Variants in LIPI observed in about 807,000 individuals in gnomAD.
LIPI encodes the protein lipase member I.
In LIPI, 59 loss-of-function variants were observed where a neutral mutation model predicts 50.6. The observed-to-expected ratio is 1.16, with a 90% CI of 0.94 to 1.45. The LOEUF is 1.45. Ranked by LOEUF, LIPI falls within the 40% of genes most tolerant of loss-of-function variation. The pLI is 0.00. For synonymous variants in LIPI, 203 were observed against 178.2 expected (o/e 1.14, Z -1.11); for missense variants, 586 against 536.3 (o/e 1.09, Z -0.92).
At chr21:14,147,050 T>C (rs2017934215) in intron 8 of LIPI, among the ~76,000 whole-genome samples, 1 of 152,134 alleles carries the variant, frequency 6.6e-6, no homozygotes, top group African/African-American at 2.4e-5. Flanking sequence ...GTGCTGAGAT[T>C]ACAAGCGTGA....
intron 9 of LIPI, among the ~76,000 whole-genome samples, chr21:14,119,676 G>A (rs2016789487): frequency 1.3e-5 from 2 of 152,292 alleles, no homozygotes; most frequent in South Asian, 2.1e-4. Flanking sequence ...CAGCACTAGG[G>A]CTGCCAGACA....
intron 9 of LIPI, among the ~76,000 whole-genome samples, chr21:14,130,223 C>G (rs1237917793): frequency 6.6e-6 from 1 of 152,062 alleles, no homozygotes; most frequent in East Asian, 1.9e-4. Context: ...ACCTGTAACC[C>G]CAGCTGTTTG....
At chr21:14,182,842 T>C (rs1600910563) in intron 3 of LIPI, among the ~76,000 whole-genome samples, 3 of 152,114 alleles carry the variant, frequency 2.0e-5, no homozygotes, top group East Asian at 3.9e-4. Context: ...TAAAAGAGGA[T>C]ACAAACAAAT....
intron 9 of LIPI, among the ~76,000 whole-genome samples, chr21:14,121,665 G>A (rs1000984401): frequency 6.6e-6 from 1 of 152,188 alleles, no homozygotes; most frequent in Non-Finnish European, 1.5e-5. Context: ...CTTATGGGAT[G>A]GCCCCCATAT....
Position 14,159,138 on chromosome 21 carries a change from G to A in LIPI, c.1006+4281C>T, listed in dbSNP as rs986461368. ...AAAACTTGCCCACTTTTTTTATGAC[G>A]TTGTATTATTATAGTAGTACGAATA... On this transcript the variant is annotated intron_variant, in intron 7 of 9. Transcript: ENST00000681601. Among the ~76,000 whole-genome samples, 8 of 151,234 alleles carry A rather than the reference G, an allele frequency of 5.3e-5. No individual in the cohort carries two copies. In the South Asian group the frequency reaches 1.2e-3, roughly 24 times the overall value.
intron 4 of LIPI, among the ~76,000 whole-genome samples, chr21:14,170,554 T>G (rs1368671634): frequency 6.6e-6 from 1 of 152,160 alleles, no homozygotes; most frequent in Non-Finnish European, 1.5e-5. Context: ...GCAAGGCTGG[T>G]TCAATATACG....
At chr21:14,182,420 A>G (rs570171038) in intron 3 of LIPI, among the ~76,000 whole-genome samples, 176 of 152,316 alleles carry the variant, frequency 1.2e-3, no homozygotes, top group Non-Finnish European at 2.0e-3. Flanking sequence ...GGTTATCTTA[A>G]TTTCTAAATA....
chr21:14,169,883 T>C lies in LIPI; in HGVS notation c.644-3432A>G, dbSNP rs543282507. Among the ~76,000 whole-genome samples the C allele has an allele frequency of 5.1e-3, 780 of 151,732 alleles. 4 individuals are homozygous for C. The highest frequency in any genetic ancestry group is 0.018 in the African/African-American group (737 of 41,382). On this transcript the variant is annotated intron_variant, in intron 4 of 9. Transcript: ENST00000681601. ...AAAATCAGAGCAGAACTGAAGGAAA[T>C]AGAGACACAAAAAACCCTTCAAAAA...
chr21:14,202,204 T>C (rs1006318909), intron 1 of LIPI, among the ~76,000 whole-genome samples: 191 of 152,094 alleles, frequency 1.3e-3, no homozygotes, highest in African/African-American at 4.2e-3. Context: ...AATGGAAGAA[T>C]ATTCCATGCT....
intron 7 of LIPI, among the ~76,000 whole-genome samples, chr21:14,156,982 A>G (rs570115797): frequency 2.0e-5 from 3 of 152,030 alleles, no homozygotes; most frequent in Admixed American, 6.6e-5. Flanking sequence ...TAGAAGAAGA[A>G]TCCTCACTAC....
intron 4 of LIPI, among the ~76,000 whole-genome samples, chr21:14,179,265 A>G: frequency 6.6e-6 from 1 of 152,034 alleles, no homozygotes; most frequent in Non-Finnish European, 1.5e-5. Flanking sequence ...GTCATTATCT[A>G]GTATTCAAGG....
chr21:14,189,332 A>T lies in LIPI; in HGVS notation c.134T>A (p.Leu45Gln), dbSNP rs928021878. ...DLFIPRIETI[L>Q]MMYTRNNLNC... is the part of the protein sequence containing the mutation. The stretch of plus-strand genomic sequence containing the variant: ...TAGGTTGTTCCTTGTATACATCATC[A>T]GAATGGTCTCTATTCTCGGAATAAA... Residue 45 changes from leucine (L) to glutamine (Q), a missense_variant, in exon 2 of 10, where the codon CTG (leucine) becomes CAG (glutamine). By Grantham distance (113) the Leu-to-Gln change is moderately radical (BLOSUM62 -2). Coordinates refer to ENST00000681601, the MANE Select transcript of LIPI (RefSeq NM_001302998.2). 2.5e-6 allele frequency: 4 copies of T among 1,613,102 alleles called. No homozygotes were observed. The African/African-American group carries it at 5.3e-5, about 22-fold the overall frequency.
At chr21:14,122,554 G>A (rs1296562700) in intron 9 of LIPI, among the ~76,000 whole-genome samples, 1 of 152,126 alleles carries the variant, frequency 6.6e-6, no homozygotes, top group Non-Finnish European at 1.5e-5. Context: ...AAGAACTTAG[G>A]ACAAGAAAGA....
At chr21:14,130,293 T>C (rs1454405072) in intron 9 of LIPI, among the ~76,000 whole-genome samples, 1 of 152,068 alleles carries the variant, frequency 6.6e-6, no homozygotes, top group Non-Finnish European at 1.5e-5. Context: ...TGAGCCGAGA[T>C]TGTGCTATTG....
At position 14,197,589 on chromosome 21, in the gene LIPI, C is replaced by T. The variant is rs540890817; in HGVS notation, c.47-8170G>A. Among the ~76,000 whole-genome samples the T allele has an allele frequency of 2.0e-5, 3 of 152,068 alleles. No homozygotes were observed. The South Asian group carries it at 6.2e-4, about 32-fold the overall frequency. On this transcript the variant is annotated intron_variant, in intron 1 of 9. Coordinates refer to ENST00000681601, the MANE Select transcript of LIPI (RefSeq NM_001302998.2). The stretch of plus-strand genomic sequence containing the variant: ...GAGAGAAAAGAATGAAAAGGAAGAA[C>T]AAAACCTCAGAGAAATATGGGATTA...
At chr21:14,199,882 C>T (rs1035911521) in intron 1 of LIPI, among the ~76,000 whole-genome samples, 2 of 151,996 alleles carry the variant, frequency 1.3e-5, no homozygotes, top group Admixed American at 6.6e-5. Flanking sequence ...AATCCAGTAG[C>T]ACATCAAAAA....
chr21:14,173,501 C>G (rs2018992164), intron 4 of LIPI, among the ~76,000 whole-genome samples: 1 of 152,152 alleles, frequency 6.6e-6, no homozygotes, highest in Non-Finnish European at 1.5e-5. Flanking sequence ...AAAGGGCTAG[C>G]AAGCTCAGAA....
chr21:14,125,965 A>C (rs2017048030), intron 9 of LIPI, among the ~76,000 whole-genome samples: 1 of 152,174 alleles, frequency 6.6e-6, no homozygotes. Context: ...GAGACATGGA[A>C]ATTTTAAGAA....
chr21:14,184,677 A>G (rs1600913623), intron 3 of LIPI, among the ~76,000 whole-genome samples: 1 of 152,128 alleles, frequency 6.6e-6, no homozygotes, highest in African/African-American at 2.4e-5. Context: ...GTACCTGATG[A>G]TTGCCTGGTA....
Sources: allele counts gnomAD v4.1 joint callset (sites outside exome capture counted in the v4.1 genomes callset), GRCh38; gene constraint gnomAD v4.1.1; transcripts MANE v1.5; gene names NCBI Gene and HGNC (gene_info 2026-07-23, HGNC 2026-07-21).